Variants in SLC25A29 observed in about 807,000 individuals in gnomAD.
SLC25A29 encodes mitochondrial basic amino acids transporter.
In SLC25A29, 13 loss-of-function variants were observed where a neutral mutation model predicts 10.0. The ratio of observed to expected loss-of-function variants is 1.30; its 90% CI spans 0.85 to 2.07. The LOEUF (loss-of-function observed/expected upper bound fraction) is 2.07. SLC25A29 is among the 30% of genes most tolerant of loss of function. The pLI is 0.00. For synonymous variants in SLC25A29, 244 were observed against 221.1 expected (o/e 1.10, Z -0.92); for missense variants, 475 against 447.6 (o/e 1.06, Z -0.55).
At chr14:100,286,307 A>C (rs61993680), downstream of SLC25A29, among the ~76,000 whole-genome samples, 59,531 of 151,992 alleles carry the variant, frequency 0.39, 11,854 homozygotes, top group South Asian at 0.53. Flanking sequence ...GTACTGTCAC[A>C]ACACCAAACA....
chr14:100,293,076 C>G (rs1478254839), intron 3 of SLC25A29, 44 bp from the exon 4 acceptor site: 1 of 1,487,154 alleles, frequency 6.7e-7, no homozygotes, highest in Non-Finnish European at 8.9e-7. Context: ...CGCGCACCTC[C>G]CGGGCCCTCC....
chr14:100,291,840 C>T lies in SLC25A29; in HGVS notation c.*443G>A. The T allele has an allele frequency of 4.2e-6, 1 of 236,954 alleles. No individual in the cohort carries two copies. Among genetic ancestry groups the T allele is most frequent in the Non-Finnish European group, 8.3e-6 (1 of 120,112 alleles). The allele number at this position is 236,954 out of a possible 1,614,324, so 14.7% of individuals were successfully genotyped here. A position where few individuals can be genotyped will look rare whatever the true frequency, so the allele number is the denominator to read the frequency against. On this transcript the variant is annotated 3_prime_UTR_variant, in exon 4 of 4. Transcript: ENST00000359232. ...ACAGACCAGAGGGGTGGCCCACCAC[C>T]CCCCCGGGTGGAGGATGTGTGGAGT...
At chr14:100,297,796 C>T (rs1338532745) in intron 2 of SLC25A29, among the ~76,000 whole-genome samples, 1 of 152,254 alleles carries the variant, frequency 6.6e-6, no homozygotes, top group South Asian at 2.1e-4. Context: ...AGCATTTAAT[C>T]CAACATAAAT....
Position 100,291,728 on chromosome 14 carries a change from A to G in SLC25A29, c.*555T>C. The G allele has an allele frequency of 6.2e-6, 1 of 161,742 alleles. No homozygotes were observed. Among genetic ancestry groups the G allele is most frequent in the Non-Finnish European group, 1.3e-5 (1 of 74,452 alleles). 10.0% of individuals were successfully genotyped at this position (161,742 alleles called of 1,614,324 possible). A position where few individuals can be genotyped will look rare whatever the true frequency, so the allele number is the denominator to read the frequency against. On this transcript the variant is annotated 3_prime_UTR_variant, in exon 4 of 4. Coordinates refer to ENST00000359232, the MANE Select transcript of SLC25A29 (RefSeq NM_001039355.3). ...GAGTGGCAGCAGCTGGGGTACCCCT[A>G]GCAGTGGCATGTGGAGAAGCTGGGG...
chr14:100,295,893 T>C (rs1272942704), intron 2 of SLC25A29: 1 of 1,289,668 alleles, frequency 7.8e-7, no homozygotes, highest in Non-Finnish European at 1.0e-6. Context: ...AAAACTCCCT[T>C]CGTGTAGAAA....
chr14:100,293,132 G>T, intron 3 of SLC25A29, 100 bp from the exon 4 acceptor site: 1 of 1,454,738 alleles, frequency 6.9e-7, no homozygotes, highest in Non-Finnish European at 9.1e-7. Context: ...CACCCCAGGG[G>T]CTCCTGAGGA....
the SLC25A29 span, chr14:100,282,557 T>C: frequency 6.6e-6 from 1 of 152,222 alleles, no homozygotes; most frequent in Admixed American, 6.5e-5. Flanking sequence ...CTCAAGGACT[T>C]AGCATTTCGT....
the SLC25A29 span, among the ~76,000 whole-genome samples, chr14:100,283,555 A>G: frequency 6.9e-6 from 1 of 144,510 alleles, no homozygotes; most frequent in African/African-American, 2.6e-5. Context: ...GCGCAATCTC[A>G]GCTCACTGCA....
the SLC25A29 span, chr14:100,280,772 G>C: frequency 1.1e-4 from 16 of 152,112 alleles, no homozygotes; most frequent in African/African-American, 3.9e-4. Context: ...GTCGGGGGAA[G>C]CCCGCCTGAG....
At chr14:100,286,333 C>T (rs1891542086), downstream of SLC25A29, among the ~76,000 whole-genome samples, 1 of 152,196 alleles carries the variant, frequency 6.6e-6, no homozygotes, top group Admixed American at 6.5e-5. Flanking sequence ...CACCATGTTC[C>T]CCTGTGTCTG....
downstream of SLC25A29, among the ~76,000 whole-genome samples, chr14:100,286,504 G>T (rs1360995375): frequency 6.7e-6 from 1 of 149,506 alleles, no homozygotes; most frequent in African/African-American, 2.5e-5. Flanking sequence ...AGGGGCGCTG[G>T]TGGGGGCGTC....
intron 2 of SLC25A29, chr14:100,298,577 T>C: frequency 1.8e-6 from 1 of 565,674 alleles, no homozygotes; most frequent in Non-Finnish European, 3.2e-6. Context: ...AACATGTGGG[T>C]GCCCTTGCTC....
chr14:100,283,047 C>T, the SLC25A29 span, among the ~76,000 whole-genome samples: 3 of 152,332 alleles, frequency 2.0e-5, no homozygotes, highest in East Asian at 5.8e-4. Context: ...GAGAGCCTCA[C>T]CCACTGTTCA....
rs764230803 is a variant in SLC25A29, at chr14:100,292,947, G to A, written c.248C>T (p.Thr83Ile). Residue 83 changes from threonine to isoleucine, a missense_variant, in exon 4 of 4, where the codon ACC becomes ATC. Coordinates refer to ENST00000359232, the MANE Select transcript of SLC25A29 (RefSeq NM_001039355.3). ...CGAGTCGTGGCCCAGGGCCCGGAGG[G>A]TGTTGCCCTGCACCCCGAACACCAG... is the stretch of plus-strand genomic sequence containing the variant. ...NALVFGVQGN[T>I]LRALGHDSPL... The A allele has an allele frequency of 6.2e-7, 1 of 1,606,278 alleles. No individual in the cohort carries two copies. Among genetic ancestry groups the A allele is most frequent in the Non-Finnish European group, 8.5e-7 (1 of 1,177,224 alleles).
chr14:100,293,088 C>T, intron 3 of SLC25A29, 56 bp from the exon 4 acceptor site: 1 of 1,474,566 alleles, frequency 6.8e-7, no homozygotes, highest in South Asian at 1.4e-5. Flanking sequence ...GGGCCCTCCA[C>T]GCGGAAGGGG....
chr14:100,301,509 T>C (rs1892545660), intron 1 of SLC25A29, among the ~76,000 whole-genome samples: 1 of 150,224 alleles, frequency 6.7e-6, no homozygotes, highest in South Asian at 2.1e-4. Context: ...CAGCAAAGGG[T>C]TACTTCCTGC....
In SLC25A29 at chr14:100,291,866, T is replaced by C. The variant is rs1435740304; in HGVS notation, c.*417A>G. ...CCCCCGGGTGGAGGATGTGTGGAGTTAGAGGTCCCTGGGTGGCCCCTTGGT... is the reference window on the plus strand; with the variant it reads ...CCCCCGGGTGGAGGATGTGTGGAGTCAGAGGTCCCTGGGTGGCCCCTTGGT... On this transcript the variant is annotated 3_prime_UTR_variant, in exon 4 of 4. Coordinates refer to ENST00000359232, the MANE Select transcript of SLC25A29 (RefSeq NM_001039355.3). 4 of 264,176 alleles carry C rather than the reference T, an allele frequency of 1.5e-5. No individual in the cohort carries two copies. Among genetic ancestry groups the C allele is most frequent in the Non-Finnish European group, 2.9e-5 (4 of 136,424 alleles). The allele number at this position is 264,176 out of a possible 1,614,324, so 16.4% of individuals were successfully genotyped here.
rs545690899 is a variant in SLC25A29, at chr14:100,305,133, A to C, written c.34+1066T>G. The C allele has an allele frequency of 1.1e-3, 174 of 152,224 alleles. 1 individual carries two copies. Among genetic ancestry groups the C allele is most frequent in the African/African-American group, 3.4e-3 (143 of 41,548 alleles). 9.4% of individuals were successfully genotyped at this position (152,224 alleles called of 1,614,324 possible). A position where few individuals can be genotyped will look rare whatever the true frequency, so the allele number is the denominator to read the frequency against. On this transcript the variant is annotated intron_variant, in intron 1 of 3. Transcript: ENST00000359232. Reference sequence around the variant, plus strand: ...CGACCGGGAAGTTCTAACTCCCCTCAGCGCACAACACCTCCCCAACACACT... The same window carrying C: ...CGACCGGGAAGTTCTAACTCCCCTCCGCGCACAACACCTCCCCAACACACT...
Position 100,292,247 on chromosome 14 carries a change from G to C in SLC25A29, c.*36C>G, listed in dbSNP as rs1398504229. On this transcript the variant is annotated 3_prime_UTR_variant, in exon 4 of 4. Transcript: ENST00000359232. ...GGGCCAATTTATGTCCCAGGTTTCT[G>C]AGAAGGAGCCCTGGGGAAGGAGGGC... is the stretch of plus-strand genomic sequence containing the variant. The C allele has an allele frequency of 2.0e-6, 3 of 1,530,544 alleles. No homozygotes were observed. The highest frequency in any genetic ancestry group is 2.6e-6 in the Non-Finnish European group (3 of 1,140,298). 94.8% of individuals were successfully genotyped at this position (1,530,544 alleles called of 1,614,324 possible).
Sources: gnomAD v4.1 joint callset for allele counts (sites outside exome capture counted in the v4.1 genomes callset) on GRCh38, gnomAD v4.1.1 for gene constraint, MANE v1.5 for transcripts, NCBI Gene and HGNC (gene_info 2026-07-23, HGNC 2026-07-21) for gene names.